The following SYNJ2 variants were observed in gnomAD, a reference collection of about 807,000 sequenced individuals.
SYNJ2 encodes the protein synaptojanin 2.
In SYNJ2, 116 loss-of-function variants were observed where a neutral mutation model predicts 141.3. The ratio of observed to expected loss-of-function variants is 0.82; its 90% CI spans 0.71 to 0.96. The LOEUF is 0.96. SYNJ2 is among the 40% of genes least tolerant of loss of function. The probability of loss-of-function intolerance (pLI) is 0.00; values close to 1 mark genes in which losing one functional copy is unlikely to be tolerated. For missense variants in SYNJ2, 1,873 were observed against 1,934.8 expected (o/e 0.97, Z 0.60); for synonymous variants, 745 against 777.7 (o/e 0.96, Z 0.70).
Position 158,071,328 on chromosome 6 carries a change from A to G in SYNJ2, c.1941-274A>G, listed in dbSNP as rs545313156. ...TGGCAGTGAGAACCTGGGCGGATGC[A>G]GGCATTGCCCTGTCTTCGGCTTCAT... On this transcript the variant is annotated intron_variant, in intron 14 of 26. Transcript: ENST00000355585. The surrounding 1 kb of genome is among the most constrained non-coding windows in gnomAD (Gnocchi z 4.3). 1.3e-5 allele frequency among the ~76,000 whole-genome samples: 2 copies of G among 152,290 alleles called. No individual in the cohort carries two copies. Among genetic ancestry groups the G allele is most frequent in the East Asian group, 3.9e-4 (2 of 5,182 alleles).
chr6:158,090,414 T>C (rs779426752), intron 25 of SYNJ2, among the ~76,000 whole-genome samples: 2 of 152,232 alleles, frequency 1.3e-5, no homozygotes, highest in Non-Finnish European at 2.9e-5. Flanking sequence ...TTAAACCATG[T>C]TAGTTACCTT....
chr6:158,063,933 A>G (rs959163546), intron 9 of SYNJ2, 61 bp downstream of exon 9: 16 of 1,565,496 alleles, frequency 1.0e-5, no homozygotes, highest in Middle Eastern at 1.7e-4. Context: ...TCAGCTGGAC[A>G]GGCTGGGCTG....
intron 1 of SYNJ2, among the ~76,000 whole-genome samples, chr6:158,009,887 T>C (rs1778201984): frequency 6.6e-6 from 1 of 152,214 alleles, no homozygotes; most frequent in African/African-American, 2.4e-5. Flanking sequence ...CACCAGCTAA[T>C]GGCAGGTGTG....
chr6:158,017,008 G>A (rs1778487479), intron 1 of SYNJ2, 196 bp from the exon 2 acceptor site: 2 of 1,279,230 alleles, frequency 1.6e-6, no homozygotes, highest in African/African-American at 3.0e-5. Flanking sequence ...AGCTGTTGGT[G>A]GGAAGGTCTG....
chr6:158,048,844 G>A (rs1354516914), intron 5 of SYNJ2, among the ~76,000 whole-genome samples: 3 of 152,214 alleles, frequency 2.0e-5, no homozygotes, highest in African/African-American at 4.8e-5. Context: ...CCAGCTGGGT[G>A]CACCGTCGGC....
At chr6:158,049,006 A>AGTGGTGGGGTG (rs1780408424) in intron 5 of SYNJ2, among the ~76,000 whole-genome samples, 1 of 151,944 alleles carries the variant, frequency 6.6e-6, no homozygotes, top group South Asian at 2.1e-4. Flanking sequence ...TTTTTGGGTA[A>AGTGGTGGGGTG]CCTTAAGTCT....
rs78645540 is a variant in SYNJ2 at position 158,042,093 on chromosome 6, G to A, written c.712-1223G>A. ...ACCTGGGCCTATGCAGGGCACACAC[G>A]CCGGTCAGTTGTATGTACCTAATTT... On this transcript the variant is annotated intron_variant, in intron 4 of 26. Transcript: ENST00000355585. 3.0e-3 allele frequency among the ~76,000 whole-genome samples: 453 copies of A among 152,356 alleles called. 2 individuals carry two copies. Among genetic ancestry groups the A allele is most frequent in the African/African-American group, 0.01 (431 of 41,582 alleles).
intron 4 of SYNJ2, among the ~76,000 whole-genome samples, chr6:158,037,393 ATCTTTTT>A (rs1779693663): frequency 1.5e-5 from 2 of 130,948 alleles, no homozygotes; most frequent in South Asian, 4.7e-4. Flanking sequence ...AGTTGTCCTC[ATCTTTTT>A]TTTTTTTTTT....
In SYNJ2 at chr6:158,084,001, G is replaced by A. The variant is rs747071191; in HGVS notation, c.3035G>A (p.Gly1012Glu). ...ATTGTGATTCATTTCCTTCTCCCAG[G>A]GGATATTCTTGAAGACGATGAAGAC... ...DFTSLDYESE[G>E]DILEDDEDYL... Residue 1012 changes from glycine (G) to glutamate (E), a missense_variant and splice_region_variant, in exon 22 of 27, where the codon GGG becomes GAG. Physicochemically the swap from Gly to Glu is moderately conservative, Grantham distance 98. Coordinates refer to ENST00000355585, the MANE Select transcript of SYNJ2 (RefSeq NM_003898.4). This position sits in a 1 kb window ranked among gnomAD's most constrained non-coding sequence, Gnocchi z 5.0. 6.2e-7 allele frequency: 1 copy of A among 1,614,012 alleles called. No individual in the cohort carries two copies. The highest frequency in any genetic ancestry group is 8.5e-7 in the Non-Finnish European group (1 of 1,179,964).
At chr6:157,983,018 C>A (rs1260650322) in intron 1 of SYNJ2, among the ~76,000 whole-genome samples, 2 of 152,184 alleles carry the variant, frequency 1.3e-5, no homozygotes, top group East Asian at 3.8e-4. Flanking sequence ...GAGTAAGCTC[C>A]CACCACTAGG....
At chr6:158,054,786 T>C (rs1339678647) in intron 5 of SYNJ2, among the ~76,000 whole-genome samples, 181 bp from the exon 6 acceptor site, 2 of 152,224 alleles carry the variant, frequency 1.3e-5, no homozygotes, top group Admixed American at 1.3e-4. Flanking sequence ...GACCTGAGTT[T>C]GGAGCACTGT....
intron 1 of SYNJ2, among the ~76,000 whole-genome samples, chr6:158,008,912 T>C (rs1369434368): frequency 6.6e-6 from 1 of 152,224 alleles, no homozygotes; most frequent in Non-Finnish European, 1.5e-5. Flanking sequence ...AACCTTTCTG[T>C]GACCTCAAAC....
chr6:158,050,317 C>T (rs1040749676), intron 5 of SYNJ2, among the ~76,000 whole-genome samples: 2 of 152,238 alleles, frequency 1.3e-5, no homozygotes, highest in Non-Finnish European at 2.9e-5. Flanking sequence ...CCCAGGACTT[C>T]GCATTTCTAA....
chr6:158,063,856 G>A lies in SYNJ2; in HGVS notation c.1193G>A (p.Ser398Asn), dbSNP rs1415568235. The change falls in exon 9 of 27, where the codon AGC becomes AAC. Residue 398 changes from serine (S) to asparagine (N), a missense_variant. Coordinates refer to ENST00000355585, the MANE Select transcript of SYNJ2 (RefSeq NM_003898.4). ...CTGGACCGAACCAACACTGTGCAGA[G>A]CTTCATCGCGCTCGAGGTGCGTCCC... Reference protein sequence around the residue: ...DCLDRTNTVQSFIALEVLHLQ... With the variant: ...DCLDRTNTVQNFIALEVLHLQ... 2 of 1,613,460 alleles carry A rather than the reference G, an allele frequency of 1.2e-6. No homozygotes were observed. Among genetic ancestry groups the A allele is most frequent in the African/African-American group, 2.7e-5 (2 of 74,900 alleles).
intron 4 of SYNJ2, among the ~76,000 whole-genome samples, chr6:158,042,932 C>G (rs1780028179): frequency 6.6e-6 from 1 of 152,142 alleles, no homozygotes; most frequent in East Asian, 1.9e-4. Flanking sequence ...TTTGCCAAGG[C>G]AAAAATAGAG....
At position 158,083,852 on chromosome 6, in the gene SYNJ2, G is replaced by C; in HGVS notation, c.3035-149G>C. 3.0e-6 allele frequency: 3 copies of C among 1,014,090 alleles called. No individual in the cohort carries two copies. In the South Asian group the frequency reaches 4.0e-5, roughly 14 times the overall value. 62.8% of individuals were successfully genotyped at this position (1,014,090 alleles called of 1,614,324 possible). The stretch of plus-strand genomic sequence containing the variant: ...GGGCTGTGGGTGTACCAATGGAACT[G>C]GGGTACCGTCCCTGCTGGCGCCTGG... On this transcript the variant is annotated intron_variant, in intron 21 of 26. Transcript: ENST00000355585.
chr6:158,083,003 G>T (rs1782796403), intron 20 of SYNJ2, among the ~76,000 whole-genome samples: 1 of 151,992 alleles, frequency 6.6e-6, no homozygotes, highest in Non-Finnish European at 1.5e-5. Flanking sequence ...TGCAATCTCG[G>T]CTCACCGCAG....
intron 16 of SYNJ2, 29 bp from the exon 17 acceptor site, chr6:158,076,597 G>A (rs758090627): frequency 6.2e-7 from 1 of 1,603,616 alleles, no homozygotes; most frequent in Admixed American, 1.7e-5. Flanking sequence ...AAACTACGGT[G>A]GCCTGATGAC....
intron 1 of SYNJ2, among the ~76,000 whole-genome samples, chr6:157,984,928 T>C (rs994661313): frequency 6.6e-6 from 1 of 151,940 alleles, no homozygotes; most frequent in Non-Finnish European, 1.5e-5. Flanking sequence ...AACTGCTTCG[T>C]GGGTAGTGGT....
Sources: gnomAD v4.1 joint callset for allele counts (sites outside exome capture counted in the v4.1 genomes callset) on GRCh38, gnomAD v4.1.1 for gene constraint, Gnocchi (gnomAD v3.1) non-coding constraint, MANE v1.5 for transcripts, NCBI Gene and HGNC (gene_info 2026-07-23, HGNC 2026-07-21) for gene names.